RNF103: variants seen among roughly 807,000 people sequenced by gnomAD.
The protein encoded by RNF103 is E3 ubiquitin-protein ligase RNF103.
A neutral mutation model predicts 66.2 loss-of-function variants in RNF103; 23 were observed. That is an observed-to-expected ratio of 0.35 (90% CI 0.25 to 0.49). The LOEUF (loss-of-function observed/expected upper bound fraction) is 0.49. Ranked by LOEUF, RNF103 falls within the 20% of genes least tolerant of loss-of-function variation. The probability of loss-of-function intolerance (pLI) is 0.98; values close to 1 mark genes in which losing one functional copy is unlikely to be tolerated. For synonymous variants in RNF103, 297 were observed against 289.9 expected (o/e 1.02, Z -0.25); for missense variants, 730 against 814.7 (o/e 0.90, Z 1.27).
chr2:86,608,177 C>G (rs1205366069), intron 3 of RNF103, among the ~76,000 whole-genome samples: 2 of 151,998 alleles, frequency 1.3e-5, no homozygotes, highest in Non-Finnish European at 2.9e-5. Flanking sequence ...CTTCCAGTTG[C>G]TGATGTGGCA....
Position 86,622,831 on chromosome 2 carries a change from G to C in RNF103, c.56C>G (p.Ala19Gly), listed in dbSNP as rs1183654102. ...CCACACAATGGCCTCAAAAAACCTGGCCAGGACGAACAGGACCAGGAAATA... is the reference window on the plus strand; with the variant it reads ...CCACACAATGGCCTCAAAAAACCTGCCCAGGACGAACAGGACCAGGAAATA... ...LLYFLVLFVL[A>G]RFFEAIVWYE... Residue 19 changes from alanine to glycine, a missense_variant, in exon 1 of 4, where the codon GCC becomes GGC. Coordinates refer to ENST00000237455, the MANE Select transcript of RNF103 (RefSeq NM_005667.4). 4 of 1,613,942 alleles carry C rather than the reference G, an allele frequency of 2.5e-6. No individual in the cohort carries two copies. Among genetic ancestry groups the C allele is most frequent in the Non-Finnish European group, 3.4e-6 (4 of 1,179,992 alleles).
intron 2 of RNF103, chr2:86,614,659 A>C: frequency 2.3e-5 from 14 of 596,558 alleles, no homozygotes; most frequent in Non-Finnish European, 2.7e-5. Context: ...CAAGCAAAGC[A>C]GGCGCCTATT....
intron 3 of RNF103, among the ~76,000 whole-genome samples, chr2:86,609,276 G>T (rs1678690333): frequency 6.6e-6 from 1 of 152,144 alleles, no homozygotes; most frequent in Middle Eastern, 3.2e-3. Flanking sequence ...TGGCAGCACA[G>T]AAGCCTCACC....
intron 2 of RNF103, chr2:86,617,527 A>T: frequency 1.8e-6 from 1 of 553,608 alleles, no homozygotes; most frequent in African/African-American, 2.1e-5. Context: ...GTATGTATGT[A>T]TAGGAAAAAA....
At chr2:86,615,692 T>C (rs1428743279) in intron 2 of RNF103, among the ~76,000 whole-genome samples, 2 of 152,004 alleles carry the variant, frequency 1.3e-5, no homozygotes, top group African/African-American at 4.8e-5. Flanking sequence ...GAAGGAACAC[T>C]GTATGTGGGG....
chr2:86,612,623 C>T (rs915445391), intron 2 of RNF103: 1 of 165,010 alleles, frequency 6.1e-6, no homozygotes. Flanking sequence ...AATAATTTCT[C>T]TTTGCTCTGA....
At position 86,603,648 on chromosome 2, in the gene RNF103, A is replaced by G; in HGVS notation, c.*195T>C. On this transcript the variant is annotated 3_prime_UTR_variant, in exon 4 of 4. Coordinates refer to ENST00000237455, the MANE Select transcript of RNF103 (RefSeq NM_005667.4). ...AATTTCCAATGTTGTAAATAAAAAA[A>G]TTTTACAATTAGGTATGCATTCAAT... 2 of 676,734 alleles carry G rather than the reference A, an allele frequency of 3.0e-6. No individual in the cohort carries two copies. The highest frequency in any genetic ancestry group is 2.3e-6 in the Non-Finnish European group (1 of 442,338). The allele number at this position is 676,734 out of a possible 1,614,324, so 41.9% of individuals were successfully genotyped here.
rs748905534 is a variant in RNF103 at position 86,620,444 on chromosome 2, A to C, written c.252T>G (p.Tyr84Ter). 6.3e-7 allele frequency: 1 copy of C among 1,598,774 alleles called. No individual in the cohort carries two copies. Among genetic ancestry groups the C allele is most frequent in the Non-Finnish European group, 8.6e-7 (1 of 1,169,028 alleles). Reference sequence around the variant, plus strand: ...ATGCTTCTTCTTCCTTGAGAGCAGAATAGAGCTCACCCTCCATCAAGTCAC... The same window carrying C: ...ATGCTTCTTCTTCCTTGAGAGCAGACTAGAGCTCACCCTCCATCAAGTCAC... ...KSGDLMEGELYSALKEEEASE... is the reference protein window; with the variant it reads ...KSGDLMEGEL The change falls in exon 2 of 4, where the codon TAT (tyrosine) becomes TAG (stop). Residue 84 changes from tyrosine to a stop codon, truncating the protein, a stop_gained. Transcript: ENST00000237455. LOFTEE classifies it high-confidence loss of function.
rs752946051 is a variant in RNF103 at position 86,604,563 on chromosome 2, T to G, written c.1338A>C (p.Glu446Asp). 3 of 1,614,180 alleles carry G rather than the reference T, an allele frequency of 1.9e-6. No individual in the cohort carries two copies. The South Asian group carries it at 3.3e-5, about 18-fold the overall frequency. Residue 446 changes from glutamate (E) to aspartate (D), a missense_variant, in exon 4 of 4, where the codon GAA becomes GAC. This residue lies in a region of RNF103 where 355 missense variants were observed against 351.9 expected (regional missense o/e 1.01). Transcript: ENST00000237455. ...KKRRRNNNND[E>D]VNANNLEWLS... is the part of the protein sequence containing the mutation. ...ACCATTCTAAGTTATTGGCATTGAC[T>G]TCATCATTGTTGTTGTTGCGCCTTC...
At chr2:86,606,783 A>G (rs1200852438) in intron 3 of RNF103, among the ~76,000 whole-genome samples, 4 of 149,516 alleles carry the variant, frequency 2.7e-5, no homozygotes, top group Admixed American at 2.7e-4. Context: ...TAGTTATTTT[A>G]TTTTTATAAT....
intron 2 of RNF103, among the ~76,000 whole-genome samples, chr2:86,615,498 AAT>A (rs142215101): frequency 1.4e-5 from 2 of 140,158 alleles, no homozygotes; most frequent in Non-Finnish European, 3.1e-5. Context: ...TTCTCAGCCT[AAT>A]ATATATATAT....
intron 2 of RNF103, 32 bp downstream of exon 2, chr2:86,620,298 T>C: frequency 6.4e-7 from 1 of 1,556,624 alleles, no homozygotes; most frequent in Non-Finnish European, 8.7e-7. Context: ...TTTAGGGCTC[T>C]CGAATTATCA....
chr2:86,610,853 TAA>T (rs1489077435), intron 3 of RNF103, among the ~76,000 whole-genome samples: 2 of 152,184 alleles, frequency 1.3e-5, no homozygotes, highest in Non-Finnish European at 2.9e-5. Context: ...GATCAAATCC[TAA>T]GTCTTTGGTA....
Position 86,623,187 on chromosome 2 carries a change from G to C in RNF103, c.-301C>G. 18 of 1,047,368 alleles carry C rather than the reference G, an allele frequency of 1.7e-5. No homozygotes were observed. The highest frequency in any genetic ancestry group is 1.9e-5 in the Non-Finnish European group (17 of 872,252). The allele number at this position is 1,047,368 out of a possible 1,614,324, so 64.9% of individuals were successfully genotyped here. On this transcript the variant is annotated 5_prime_UTR_variant, in exon 1 of 4. Transcript: ENST00000237455. ...CCATCCATTAAGCACAGAAAGGAGA[G>C]GGGCGCGGGGAGAGCTCGCGGGGAA...
intron 3 of RNF103, among the ~76,000 whole-genome samples, chr2:86,609,811 T>TAC (rs1245761353): frequency 6.6e-6 from 1 of 152,166 alleles, no homozygotes; most frequent in East Asian, 1.9e-4. Flanking sequence ...GAGAAGGGAC[T>TAC]ACAGTCAAAG....
intron 2 of RNF103, 176 bp from the exon 3 acceptor site, chr2:86,612,450 GAA>G: frequency 1.9e-6 from 1 of 524,018 alleles, no homozygotes; most frequent in Non-Finnish European, 3.3e-6. Context: ...TATCCAATAG[GAA>G]AAAGACTTGA....
chr2:86,613,732 C>CA (rs1163509579), intron 2 of RNF103: 1 of 152,102 alleles, frequency 6.6e-6, no homozygotes, highest in African/African-American at 2.4e-5. Context: ...TAACAAATGT[C>CA]AGAGGGCAGC....
Position 86,603,839 on chromosome 2 carries a change from A to G in RNF103, c.*4T>C. 2 of 1,598,400 alleles carry G rather than the reference A, an allele frequency of 1.3e-6. No homozygotes were observed. Among genetic ancestry groups the G allele is most frequent in the East Asian group, 2.2e-5 (1 of 44,796 alleles). On this transcript the variant is annotated 3_prime_UTR_variant, in exon 4 of 4. Transcript: ENST00000237455. ...AAAGCTTATAAAGGACAAATTGCAC[A>G]TGGTTAAGATGGGACATCATTTGAC...
At chr2:86,619,471 G>A (rs1452401621) in intron 2 of RNF103, among the ~76,000 whole-genome samples, 2 of 152,148 alleles carry the variant, frequency 1.3e-5, no homozygotes, top group Admixed American at 1.3e-4. Flanking sequence ...CAGAGTCTCA[G>A]AAAGGGTTAG....
Sources: gnomAD v4.1 joint callset for allele counts (sites outside exome capture counted in the v4.1 genomes callset) on GRCh38, gnomAD v4.1.1 for gene constraint, gnomAD v4.1.1 regional missense constraint, MANE v1.5 for transcripts, NCBI Gene and HGNC (gene_info 2026-07-23, HGNC 2026-07-21) for gene names.